LARGE1: variants seen among roughly 807,000 people sequenced by gnomAD.
The protein encoded by LARGE1 is LARGE xylosyl- and glucuronyltransferase 1, also known as xylosyl- and glucuronyltransferase LARGE1.
A neutral mutation model predicts 87.6 loss-of-function variants in LARGE1; 43 were observed. The observed-to-expected ratio is 0.49, with a 90% CI of 0.38 to 0.63. The LOEUF (loss-of-function observed/expected upper bound fraction) is 0.63, where lower values mean the gene tolerates loss of function less well. LARGE1 is among the 30% of genes least tolerant of loss of function. LARGE1 has a pLI of 0.00. For missense variants in LARGE1, 802 were observed against 1,000.2 expected (o/e 0.80, Z 2.67); for synonymous variants, 434 against 394.6 (o/e 1.10, Z -1.18).
At chr22:33,903,605 T>C (rs1257139596) in intron 1 of LARGE1, among the ~76,000 whole-genome samples, 3 of 152,042 alleles carry the variant, frequency 2.0e-5, no homozygotes, top group African/African-American at 7.2e-5. Flanking sequence ...GGCAGGCGGA[T>C]CACGAGGTCA....
At chr22:33,546,225 C>T (rs2148667901) in intron 6 of LARGE1, among the ~76,000 whole-genome samples, 1 of 152,344 alleles carries the variant, frequency 6.6e-6, no homozygotes, top group African/African-American at 2.4e-5. Flanking sequence ...CTTCCCAAAC[C>T]CTCCGATCTC....
chr22:33,776,252 C>T (rs1228926580), intron 1 of LARGE1, among the ~76,000 whole-genome samples: 1 of 152,182 alleles, frequency 6.6e-6, no homozygotes, highest in Non-Finnish European at 1.5e-5. Context: ...TTTAAAAGGG[C>T]AGGAACTCAA....
At chr22:33,147,734 C>CT in the LARGE1 span, among the ~76,000 whole-genome samples, 23 of 152,062 alleles carry the variant, frequency 1.5e-4, no homozygotes, top group Admixed American at 3.3e-4. Flanking sequence ...TTTGCATACG[C>CT]TTTTTTTGGG....
chr22:33,526,816 AT>A (rs772711646), intron 6 of LARGE1, among the ~76,000 whole-genome samples: 19 of 152,202 alleles, frequency 1.2e-4, no homozygotes, highest in Non-Finnish European at 2.4e-4. Flanking sequence ...TTAATCCACC[AT>A]TTGATTAAAA....
chr22:33,891,034 CTGCATACGGTTCTGTGCAT>C (rs2064992554), intron 1 of LARGE1, among the ~76,000 whole-genome samples: 3 of 8,924 alleles, frequency 3.4e-4, no homozygotes, highest in African/African-American at 2.4e-3. Context: ...ATATGGGAAG[CTGCATACGGTTCTGTGCAT>C]ATGGGAAGCT....
chr22:33,889,214 A>G (rs2064940760), intron 1 of LARGE1: 1 of 152,168 alleles, frequency 6.6e-6, no homozygotes, highest in Admixed American at 6.5e-5. Context: ...TTCAACAGAA[A>G]TGGAAAAGAT....
chr22:33,223,899 C>T (rs1251155868), intron 11 of LARGE1, among the ~76,000 whole-genome samples: 1 of 152,200 alleles, frequency 6.6e-6, no homozygotes, highest in Admixed American at 6.5e-5. Flanking sequence ...AAACAATTCA[C>T]AAATGCTCAC....
chr22:33,133,315 T>G, the LARGE1 span, among the ~76,000 whole-genome samples: 1 of 152,336 alleles, frequency 6.6e-6, no homozygotes, highest in East Asian at 1.9e-4. Flanking sequence ...TTTCTCCTAA[T>G]GTTATCCCTC....
chr22:33,537,534 T>A (rs11704444), intron 6 of LARGE1, among the ~76,000 whole-genome samples: 1 of 151,942 alleles, frequency 6.6e-6, no homozygotes, highest in Admixed American at 6.6e-5. Context: ...ACTTAATCGC[T>A]TATGTAAAGT....
intron 6 of LARGE1, among the ~76,000 whole-genome samples, chr22:33,477,444 CA>C (rs1189204920): frequency 6.6e-6 from 1 of 152,114 alleles, no homozygotes; most frequent in African/African-American, 2.4e-5. Context: ...TTGGGTTCAA[CA>C]AAAGATCAGG....
At chr22:33,716,995 CTTAATTGTTTTTTGTTG>C (rs1043704402) in intron 2 of LARGE1, among the ~76,000 whole-genome samples, 2 of 152,170 alleles carry the variant, frequency 1.3e-5, no homozygotes, top group Non-Finnish European at 2.9e-5. Flanking sequence ...CATTAAACAA[CTTAATTGTTTTTTGTTG>C]TTATTGGAAA....
chr22:33,297,979 CAAAA>C (rs757656914), intron 12 of LARGE1, among the ~76,000 whole-genome samples: 1 of 48,772 alleles, frequency 2.1e-5, no homozygotes. Flanking sequence ...GACATCATCT[CAAAA>C]AAAAAAAAAA....
At chr22:33,394,343 C>T (rs1000432373) in intron 7 of LARGE1, among the ~76,000 whole-genome samples, 3 of 151,992 alleles carry the variant, frequency 2.0e-5, no homozygotes, top group Admixed American at 6.6e-5. Flanking sequence ...GCACTACAGG[C>T]GTGTGCCACC....
intron 6 of LARGE1, among the ~76,000 whole-genome samples, chr22:33,442,666 C>A (rs370413172): frequency 1.3e-5 from 2 of 152,186 alleles, no homozygotes; most frequent in East Asian, 3.9e-4. Flanking sequence ...AAGAACATCC[C>A]CATACTTGTT....
chr22:33,430,494 T>C (rs571284328), intron 7 of LARGE1, among the ~76,000 whole-genome samples: 5 of 152,212 alleles, frequency 3.3e-5, no homozygotes, highest in Admixed American at 6.5e-5. Flanking sequence ...CAACACAGCA[T>C]GGGAGACTCC....
chr22:33,660,989 G>A (rs2081105792), intron 2 of LARGE1, among the ~76,000 whole-genome samples: 1 of 151,798 alleles, frequency 6.6e-6, no homozygotes, highest in African/African-American at 2.4e-5. Context: ...ATATTTTACA[G>A]TAAAAATTTT....
chr22:33,645,199 C>A (rs1271557560), intron 3 of LARGE1, among the ~76,000 whole-genome samples: 1 of 144,854 alleles, frequency 6.9e-6, no homozygotes, highest in Non-Finnish European at 1.5e-5. Flanking sequence ...GGTACTCCTA[C>A]AAGGCTACAG....
intron 2 of LARGE1, among the ~76,000 whole-genome samples, chr22:33,748,192 C>T (rs2145605339): frequency 6.8e-6 from 1 of 148,132 alleles, no homozygotes; most frequent in East Asian, 2.0e-4. Context: ...GGTGCAGTGG[C>T]ATGATCTCGG....
intron 11 of LARGE1, among the ~76,000 whole-genome samples, chr22:33,262,095 T>C (rs1927660033): frequency 6.6e-6 from 1 of 152,202 alleles, no homozygotes; most frequent in South Asian, 2.1e-4. Flanking sequence ...GCCTTTGATC[T>C]CCACGAAAGC....
Sources: gnomAD v4.1 joint callset for allele counts (sites outside exome capture counted in the v4.1 genomes callset) on GRCh38, gnomAD v4.1.1 for gene constraint, MANE v1.5 for transcripts, NCBI Gene and HGNC (gene_info 2026-07-23, HGNC 2026-07-21) for gene names.